Variants in PCDH11X observed in about 807,000 individuals in gnomAD.
PCDH11X encodes protocadherin 11 X-linked.
PCDH11X carries 18 observed loss-of-function variants against 53.3 expected under a neutral mutation model. That is an observed-to-expected ratio of 0.34 (90% CI 0.23 to 0.50). The LOEUF is 0.50. PCDH11X is among the 20% of genes least tolerant of loss of function. The probability of loss-of-function intolerance (pLI) is 0.98; values close to 1 mark genes in which losing one functional copy is unlikely to be tolerated. For missense variants in PCDH11X, 570 were observed against 1,032.4 expected (o/e 0.55, Z 6.14); for synonymous variants, 279 against 393.3 (o/e 0.71, Z 3.44).
intron 6 of PCDH11X, among the ~76,000 whole-genome samples, chrX:91,914,522 C>A (rs957571489): frequency 9.0e-6 from 1 of 111,102 alleles, no homozygotes; most frequent in Admixed American, 9.5e-5. Flanking sequence ...TATAGATGAA[C>A]AATTCTCAAG....
At chrX:92,500,656 A>G (rs2073944360) in intron 10 of PCDH11X, among the ~76,000 whole-genome samples, 1 of 107,997 alleles carries the variant, frequency 9.3e-6, no homozygotes, top group South Asian at 4.1e-4. Context: ...TCAGAAATCA[A>G]TAAGTTTTTT....
intron 6 of PCDH11X, among the ~76,000 whole-genome samples, chrX:92,004,064 A>T (rs901702202): frequency 1.8e-5 from 2 of 108,808 alleles, no homozygotes; most frequent in African/African-American, 6.7e-5. Context: ...TGTATTCCAT[A>T]GGTTTTGGTA....
At chrX:92,365,570 C>T (rs2070452807) in intron 8 of PCDH11X, among the ~76,000 whole-genome samples, 1 of 110,966 alleles carries the variant, frequency 9.0e-6, no homozygotes. Context: ...AGGATTGCCA[C>T]AAACACATGA....
At chrX:91,803,122 A>G (rs1935989927) in intron 1 of PCDH11X, among the ~76,000 whole-genome samples, 1 of 111,921 alleles carries the variant, frequency 8.9e-6, no homozygotes, top group Non-Finnish European at 1.9e-5. Flanking sequence ...AAGTAAATCT[A>G]TTTTCCTATT....
In PCDH11X at chrX:92,111,219, T is replaced by TAAAAAAAAAAAAAAA. The variant is rs771823629; in HGVS notation, c.3034-90138_3034-90124dup. ...GAGCTGGATTTGAATCACCTAACGC[T>TAAAAAAAAAAAAAAA]AAAAAAAAAAAAAAAAAAAAAAAAA... On this transcript the variant is annotated intron_variant, in intron 6 of 10. Transcript: ENST00000682573. Among the ~76,000 whole-genome samples, 22 of 19,817 alleles carry TAAAAAAAAAAAAAAA rather than the reference T, an allele frequency of 1.1e-3. 5 individuals are homozygous for TAAAAAAAAAAAAAAA. In the East Asian group the frequency reaches 0.058, roughly 52 times the overall value. The allele number at this position is 19,817 out of a possible 115,157, so 17.2% of individuals were successfully genotyped here. A position where few individuals can be genotyped will look rare whatever the true frequency, so the allele number is the denominator to read the frequency against.
chrX:92,459,830 G>A (rs918711662), intron 9 of PCDH11X: 18 of 1,133,313 alleles, frequency 1.6e-5, no homozygotes, highest in East Asian at 6.0e-5. Context: ...ACCAGCTTCC[G>A]GGGTGGCATG....
chrX:91,970,383 T>C (rs963627295), intron 6 of PCDH11X, among the ~76,000 whole-genome samples: 1 of 111,417 alleles, frequency 9.0e-6, no homozygotes, highest in African/African-American at 3.3e-5. Flanking sequence ...TGCTGATTGG[T>C]CCATTTTGAC....
At chrX:91,910,643 C>T (rs1189251508) in intron 6 of PCDH11X, among the ~76,000 whole-genome samples, 2 of 110,409 alleles carry the variant, frequency 1.8e-5, no homozygotes, top group East Asian at 2.9e-4. Flanking sequence ...TCAAATCTTA[C>T]AGGATGATCT....
chrX:92,541,803 G>A (rs2074763565), intron 10 of PCDH11X, among the ~76,000 whole-genome samples: 1 of 109,697 alleles, frequency 9.1e-6, no homozygotes, highest in Admixed American at 9.8e-5. Flanking sequence ...ACAAAAATTA[G>A]CCTGGCGTGG....
At chrX:91,848,370 A>G (rs1426764830) in intron 5 of PCDH11X, among the ~76,000 whole-genome samples, 2 of 110,325 alleles carry the variant, frequency 1.8e-5, no homozygotes, top group East Asian at 5.7e-4. Flanking sequence ...CTGTATCTCC[A>G]TGGACATATT....
intron 6 of PCDH11X, among the ~76,000 whole-genome samples, chrX:92,071,626 G>A (rs918683353): frequency 4.5e-4 from 50 of 110,743 alleles, no homozygotes; most frequent in Non-Finnish European, 9.1e-4. Flanking sequence ...CTAGGAATTT[G>A]AAGGGACCTG....
chrX:92,039,898 A>T (rs1247245532), intron 6 of PCDH11X, among the ~76,000 whole-genome samples: 1 of 102,821 alleles, frequency 9.7e-6, no homozygotes, highest in Non-Finnish European at 1.9e-5. Context: ...ACTGATGGTT[A>T]CTCAGAGTCT....
intron 9 of PCDH11X, among the ~76,000 whole-genome samples, chrX:92,465,566 G>T (rs1190630257): frequency 9.0e-6 from 1 of 111,716 alleles, no homozygotes; most frequent in African/African-American, 3.2e-5. Flanking sequence ...CCAACACTGT[G>T]AATTTTATGG....
chrX:92,036,761 G>A (rs763983458), intron 6 of PCDH11X, among the ~76,000 whole-genome samples: 99 of 111,303 alleles, frequency 8.9e-4, no homozygotes, highest in African/African-American at 3.0e-3. Context: ...GAACAGTTTG[G>A]AGGGCTCAGA....
chrX:92,088,754 G>C (rs1473175933), intron 6 of PCDH11X, among the ~76,000 whole-genome samples: 1 of 111,459 alleles, frequency 9.0e-6, no homozygotes, highest in Non-Finnish European at 1.9e-5. Context: ...TCCAAGAATT[G>C]GTCTTTCTTT....
chrX:91,916,675 A>G (rs1941575918), intron 6 of PCDH11X, among the ~76,000 whole-genome samples: 1 of 109,932 alleles, frequency 9.1e-6, no homozygotes, highest in Admixed American at 9.7e-5. Flanking sequence ...TGAAACAATA[A>G]TAAAAAATTG....
chrX:92,321,901 C>T (rs1321153663), intron 8 of PCDH11X, among the ~76,000 whole-genome samples: 1 of 107,207 alleles, frequency 9.3e-6, no homozygotes, highest in Non-Finnish European at 1.9e-5. Flanking sequence ...ATTTCTCAAC[C>T]ATTATGTTTT....
intron 6 of PCDH11X, among the ~76,000 whole-genome samples, chrX:91,992,797 T>C (rs975810461): frequency 1.4e-4 from 16 of 110,671 alleles, no homozygotes; most frequent in African/African-American, 4.6e-4. Flanking sequence ...TTATTATTTC[T>C]ATATTTTAGA....
At chrX:92,095,156 T>C (rs1248814145) in intron 6 of PCDH11X, among the ~76,000 whole-genome samples, 1 of 110,613 alleles carries the variant, frequency 9.0e-6, no homozygotes, top group East Asian at 2.8e-4. Context: ...CAAAAATGTC[T>C]AGGTTGTCAT....
Sources: allele counts gnomAD v4.1 joint callset (sites outside exome capture counted in the v4.1 genomes callset), GRCh38; gene constraint gnomAD v4.1.1; transcripts MANE v1.5; gene names NCBI Gene and HGNC (gene_info 2026-07-23, HGNC 2026-07-21).